The following ADAMTSL1 variants were observed in gnomAD, a reference collection of about 807,000 sequenced individuals.
ADAMTSL1 encodes the protein ADAMTS like 1.
ADAMTSL1 carries 126 observed loss-of-function variants against 201.8 expected under a neutral mutation model. That is an observed-to-expected ratio of 0.62 (90% CI 0.54 to 0.72). The LOEUF (loss-of-function observed/expected upper bound fraction) is 0.72. Among genes scored for constraint, ADAMTSL1 ranks in the 30% least tolerant of loss-of-function variants. ADAMTSL1 has a pLI of 0.00. For missense variants in ADAMTSL1, 2,679 were observed against 2,277.8 expected (o/e 1.18, Z -3.59); for synonymous variants, 1,121 against 903.4 (o/e 1.24, Z -4.32).
chr9:18,503,980 A>ATG (rs57749719), intron 1 of ADAMTSL1, among the ~76,000 whole-genome samples: 57,839 of 147,928 alleles, frequency 0.39, 11,798 homozygotes, highest in Admixed American at 0.49. Context: ...ATGTGCATGC[A>ATG]TGTGTGTGTG....
At chr9:17,933,954 G>C (rs902608303) in intron 1 of ADAMTSL1, among the ~76,000 whole-genome samples, 27 of 152,114 alleles carry the variant, frequency 1.8e-4, no homozygotes, top group African/African-American at 6.0e-4. Flanking sequence ...GGGCTGTTTG[G>C]TTCAAATCAC....
intron 19 of ADAMTSL1, among the ~76,000 whole-genome samples, chr9:18,780,234 C>T (rs773245605): frequency 6.6e-6 from 1 of 152,176 alleles, no homozygotes; most frequent in Non-Finnish European, 1.5e-5. Context: ...AGGCCCTGCA[C>T]TTTTCACGGT....
chr9:18,403,318 G>T (rs529950407), intron 2 of ADAMTSL1, among the ~76,000 whole-genome samples: 2 of 151,952 alleles, frequency 1.3e-5, no homozygotes, highest in Non-Finnish European at 2.9e-5. Flanking sequence ...AGAGTAGCTG[G>T]GATCACAGGC....
intron 2 of ADAMTSL1, among the ~76,000 whole-genome samples, chr9:18,282,191 C>T (rs1384606322): frequency 3.9e-5 from 6 of 152,110 alleles, no homozygotes; most frequent in South Asian, 2.1e-4. Flanking sequence ...TGTGTTAGTT[C>T]ACTTGGTATA....
At chr9:18,377,922 T>A (rs1837374671) in intron 2 of ADAMTSL1, among the ~76,000 whole-genome samples, 2 of 151,966 alleles carry the variant, frequency 1.3e-5, no homozygotes, top group African/African-American at 4.8e-5. Context: ...ATAGACTCCC[T>A]CCCCCTCAAT....
intron 1 of ADAMTSL1, among the ~76,000 whole-genome samples, chr9:18,012,717 A>G (rs1820102670): frequency 6.6e-6 from 1 of 152,012 alleles, no homozygotes; most frequent in African/African-American, 2.4e-5. Context: ...GGAGATGGGG[A>G]GTCCCCTAGA....
chr9:18,700,953 C>T (rs904423419), intron 13 of ADAMTSL1, among the ~76,000 whole-genome samples: 1 of 152,086 alleles, frequency 6.6e-6, no homozygotes, highest in African/African-American at 2.4e-5. Context: ...TTTAAAAACC[C>T]TATTTATTTA....
intron 16 of ADAMTSL1, among the ~76,000 whole-genome samples, chr9:18,766,709 T>C (rs1010075726): frequency 5.9e-5 from 9 of 152,154 alleles, no homozygotes; most frequent in Non-Finnish European, 1.3e-4. Flanking sequence ...CTCCACATGA[T>C]GGAAGGGGCA....
At chr9:17,970,142 A>G (rs538628947) in intron 1 of ADAMTSL1, among the ~76,000 whole-genome samples, 12 of 152,076 alleles carry the variant, frequency 7.9e-5, no homozygotes, top group African/African-American at 2.9e-4. Flanking sequence ...ATTTTCCCCT[A>G]GTTCCCATTC....
At chr9:18,829,717 A>G in intron 22 of ADAMTSL1, 126 bp from the exon 23 acceptor site, 1 of 1,310,040 alleles carries the variant, frequency 7.6e-7, no homozygotes, top group Non-Finnish European at 1.1e-6. Context: ...GTTAAAAGGC[A>G]ACAATAGTAA....
intron 1 of ADAMTSL1, among the ~76,000 whole-genome samples, chr9:18,482,100 TTAAAA>T (rs1331838767): frequency 5.3e-5 from 8 of 152,344 alleles, no homozygotes; most frequent in African/African-American, 1.9e-4. Flanking sequence ...AAAGTTCTTA[TTAAAA>T]TAAATTAATT....
intron 1 of ADAMTSL1, among the ~76,000 whole-genome samples, chr9:17,946,349 A>G (rs1430555420): frequency 6.6e-6 from 1 of 152,044 alleles, no homozygotes; most frequent in Non-Finnish European, 1.5e-5. Flanking sequence ...GTACTCAGGT[A>G]TCTAAGTCCA....
intron 1 of ADAMTSL1, among the ~76,000 whole-genome samples, chr9:18,144,203 C>A (rs1203547939): frequency 2.0e-5 from 3 of 149,892 alleles, no homozygotes; most frequent in African/African-American, 7.5e-5. Context: ...TTCTTTCTTT[C>A]TTTCTTTCTT....
intron 4 of ADAMTSL1, among the ~76,000 whole-genome samples, chr9:18,618,651 CT>C (rs1209235880): frequency 6.6e-6 from 1 of 151,666 alleles, no homozygotes; most frequent in Non-Finnish European, 1.5e-5. Flanking sequence ...TCTTTCTGCT[CT>C]GCCATTCTGA....
intron 1 of ADAMTSL1, among the ~76,000 whole-genome samples, chr9:18,017,589 C>T (rs531524778): frequency 2.1e-4 from 32 of 152,024 alleles, no homozygotes; most frequent in South Asian, 8.3e-4. Context: ...TCCAATGATA[C>T]GGTCTGCGAG....
At chr9:18,721,384 G>A (rs555810977) in intron 14 of ADAMTSL1, among the ~76,000 whole-genome samples, 152 bp from the exon 15 acceptor site, 9 of 152,258 alleles carry the variant, frequency 5.9e-5, no homozygotes, top group African/African-American at 1.9e-4. Flanking sequence ...TGACAAGATT[G>A]GCAGTCCTGG....
At chr9:18,889,839 G>A (rs1232809356) in intron 25 of ADAMTSL1, 91 bp downstream of exon 25, 4 of 1,264,248 alleles carry the variant, frequency 3.2e-6, no homozygotes, top group East Asian at 6.0e-5. Context: ...CAGTAGCACT[G>A]TGCAGGGAGA....
chr9:18,565,567 T>TG (rs1821833038), intron 3 of ADAMTSL1, among the ~76,000 whole-genome samples: 1 of 111,906 alleles, frequency 8.9e-6, no homozygotes, highest in African/African-American at 3.7e-5. Flanking sequence ...ATCCTAGTTA[T>TG]GAAAAAAAAA....
intron 1 of ADAMTSL1, among the ~76,000 whole-genome samples, chr9:18,483,671 C>CA (rs1293623646): frequency 6.6e-6 from 1 of 152,002 alleles, no homozygotes; most frequent in Non-Finnish European, 1.5e-5. Flanking sequence ...ACTAAAAATA[C>CA]AAAAAATTAC....
Sources: gnomAD v4.1 joint callset for allele counts (sites outside exome capture counted in the v4.1 genomes callset) on GRCh38, gnomAD v4.1.1 for gene constraint, MANE v1.5 for transcripts, NCBI Gene and HGNC (gene_info 2026-07-23, HGNC 2026-07-21) for gene names.